Variants in CWF19L2 observed in about 807,000 individuals in gnomAD.
CWF19L2 encodes the protein CWF19 like cell cycle control factor 2, also known as CWF19-like protein 2.
CWF19L2 carries 98 observed loss-of-function variants against 111.7 expected under a neutral mutation model. The ratio of observed to expected loss-of-function variants is 0.88; its 90% confidence interval spans 0.75 to 1.04. CWF19L2 has a LOEUF of 1.04. CWF19L2 is among the 50% of genes least tolerant of loss of function. The probability of loss-of-function intolerance (pLI) is 0.00; values close to 1 mark genes in which losing one functional copy is unlikely to be tolerated. For synonymous variants in CWF19L2, 351 were observed against 342.9 expected (o/e 1.02, Z -0.26); for missense variants, 1,101 against 1,051.4 (o/e 1.05, Z -0.65).
At chr11:107,363,559 A>G (rs1470616999) in intron 12 of CWF19L2, among the ~76,000 whole-genome samples, 3 of 143,820 alleles carry the variant, frequency 2.1e-5, no homozygotes, top group Admixed American at 2.1e-4. Context: ...AGAATTTCAT[A>G]TCCAGCCAAA....
At chr11:107,372,789 C>T (rs1860531282) in intron 12 of CWF19L2, among the ~76,000 whole-genome samples, 1 of 132,238 alleles carries the variant, frequency 7.6e-6, no homozygotes, top group Admixed American at 7.4e-5. Flanking sequence ...CAAATAGGAA[C>T]TGCTCCGGTC....
In CWF19L2 at chr11:107,373,703, A is replaced by C. The variant is rs868083415; in HGVS notation, c.1872+16371T>G. ...AACAGAAAAACTGGAAACTCTAAAA[A>C]GCAGAGCGCCTCTCCTCCTCCAAAG... On this transcript the variant is annotated intron_variant, in intron 12 of 17. Transcript: ENST00000282251. Among the ~76,000 whole-genome samples, 305 of 131,868 alleles carry C rather than the reference A, an allele frequency of 2.3e-3. 12 individuals are homozygous for C. Among genetic ancestry groups the C allele is most frequent in the African/African-American group, 8.0e-3 (261 of 32,772 alleles). 86.5% of individuals were successfully genotyped at this position (131,868 alleles called of 152,430 possible). A position where few individuals can be genotyped will look rare whatever the true frequency, so the allele number is the denominator to read the frequency against.
chr11:107,429,331 C>T lies in CWF19L2; in HGVS notation c.901G>A (p.Glu301Lys), dbSNP rs374180859. The stretch of plus-strand genomic sequence containing the variant: ...TTTACTAAGTCTGATTCTCTACTTT[C>T]TTGACAATTTTGTGCTTTATCTGAA... ...TYSDKAQNCQ[E>K]SRESDLVKYG... Residue 301 changes from glutamate to lysine, a missense_variant, in exon 8 of 18, where the codon GAA (glutamate) becomes AAA (lysine). Physicochemically the swap from Glu to Lys is moderately conservative, Grantham distance 56 (BLOSUM62 1). Transcript: ENST00000282251. The T allele has an allele frequency of 6.2e-7, 1 of 1,608,712 alleles. No individual in the cohort carries two copies. The highest frequency in any genetic ancestry group is 8.5e-7 in the Non-Finnish European group (1 of 1,176,896).
chr11:107,434,064 A>G (rs954697672), intron 6 of CWF19L2, among the ~76,000 whole-genome samples: 1 of 151,762 alleles, frequency 6.6e-6, no homozygotes, highest in Non-Finnish European at 1.5e-5. Context: ...CCGCTACTAT[A>G]AAAAGATATA....
chr11:107,403,754 T>C, intron 10 of CWF19L2: 1 of 904,470 alleles, frequency 1.1e-6, no homozygotes, highest in East Asian at 2.4e-5. Context: ...GCCGGTCTGT[T>C]CCTCTGCCTG....
chr11:107,441,331 T>C (rs2135420515), intron 5 of CWF19L2, among the ~76,000 whole-genome samples, 172 bp downstream of exon 5: 1 of 152,312 alleles, frequency 6.6e-6, no homozygotes, highest in South Asian at 2.1e-4. Context: ...TCACTTCCTA[T>C]AGGAAATTTA....
At chr11:107,349,159 G>A in intron 13 of CWF19L2, 106 bp from the exon 14 acceptor site, 1 of 421,748 alleles carries the variant, frequency 2.4e-6, no homozygotes, top group Non-Finnish European at 4.2e-6. Context: ...GCCCCTAGTA[G>A]AAAAAAATGA....
Position 107,382,390 on chromosome 11 carries a change from G to A in CWF19L2, c.1872+7684C>T, listed in dbSNP as rs145406993. On this transcript the variant is annotated intron_variant, in intron 12 of 17. Transcript: ENST00000282251. ...GGCTTTTGCAACTCATTAGCTGTGG[G>A]GACTAGGAAAGTTACTTAGCCTTGC... Among the ~76,000 whole-genome samples, 26 of 152,254 alleles carry A rather than the reference G, an allele frequency of 1.7e-4. No individual in the cohort carries two copies. The East Asian group carries it at 5.0e-3, about 29-fold the overall frequency.
At chr11:107,364,247 A>C (rs1313892179) in intron 12 of CWF19L2, among the ~76,000 whole-genome samples, 9 of 142,142 alleles carry the variant, frequency 6.3e-5, no homozygotes, top group African/African-American at 1.6e-4. Flanking sequence ...CCCCACTGTC[A>C]ACATTAGACA....
At chr11:107,388,070 T>C (rs1860796046) in intron 12 of CWF19L2, among the ~76,000 whole-genome samples, 1 of 152,178 alleles carries the variant, frequency 6.6e-6, no homozygotes, top group Non-Finnish European at 1.5e-5. Flanking sequence ...CCCTCAGATA[T>C]TCACAAGGAC....
At chr11:107,423,091 C>T (rs779930132) in intron 8 of CWF19L2, among the ~76,000 whole-genome samples, 20 of 151,832 alleles carry the variant, frequency 1.3e-4, no homozygotes, top group Non-Finnish European at 8.8e-5. Flanking sequence ...TATATGCATC[C>T]GTGGGCTGAG....
chr11:107,429,286 C>G lies in CWF19L2; in HGVS notation c.946G>C (p.Asp316His). The stretch of plus-strand genomic sequence containing the variant: ...GCAGTATCTGTTGTAGCATATCTAT[C>G]CCTTGAACTGTTACCATATTTTACT... The part of the protein sequence containing the change: ...DLVKYGNSSR[D>H]RYATTDTAKN... Residue 316 changes from aspartate to histidine, a missense_variant, in exon 8 of 18, where the codon GAT (aspartate) becomes CAT (histidine). Transcript: ENST00000282251. The G allele has an allele frequency of 6.2e-7, 1 of 1,613,096 alleles. No homozygotes were observed. The highest frequency in any genetic ancestry group is 1.1e-5 in the South Asian group (1 of 91,024).
At chr11:107,371,428 C>G (rs1417182804) in intron 12 of CWF19L2, among the ~76,000 whole-genome samples, 3 of 137,700 alleles carry the variant, frequency 2.2e-5, no homozygotes, top group Non-Finnish European at 4.7e-5. Flanking sequence ...GGACTCAAGA[C>G]TATTCTCCCA....
intron 8 of CWF19L2, among the ~76,000 whole-genome samples, chr11:107,423,293 A>G (rs1482808393): frequency 1.3e-5 from 2 of 151,972 alleles, no homozygotes; most frequent in Non-Finnish European, 2.9e-5. Context: ...ATTCTTTCAC[A>G]TTCAATTTTC....
intron 10 of CWF19L2, chr11:107,403,325 G>A: frequency 1.9e-6 from 1 of 514,002 alleles, no homozygotes; most frequent in Non-Finnish European, 3.5e-6. Context: ...TACCCTAACA[G>A]GTATTTTTTT....
At chr11:107,449,516 T>G (rs1452790510) in intron 3 of CWF19L2, among the ~76,000 whole-genome samples, 1 of 152,120 alleles carries the variant, frequency 6.6e-6, no homozygotes, top group Non-Finnish European at 1.5e-5. Flanking sequence ...CATTAAAAAT[T>G]ATAAACAATG....
chr11:107,329,385 C>T (rs562810755), intron 17 of CWF19L2, among the ~76,000 whole-genome samples: 75 of 152,250 alleles, frequency 4.9e-4, no homozygotes, highest in African/African-American at 9.6e-4. Context: ...TCTTGGGCTA[C>T]GCCTTGCTTA....
intron 14 of CWF19L2, among the ~76,000 whole-genome samples, chr11:107,343,330 T>C (rs1057345758): frequency 1.3e-5 from 2 of 152,174 alleles, no homozygotes; most frequent in Admixed American, 6.5e-5. Flanking sequence ...TGCTATGTCT[T>C]CTCGGTGGAT....
chr11:107,355,049 G>GTAA (rs140253357), intron 12 of CWF19L2, among the ~76,000 whole-genome samples: 2,001 of 152,134 alleles, frequency 0.013, 31 homozygotes, highest in African/African-American at 0.044. Context: ...TCTACTAAGT[G>GTAA]TAATATAAGT....
Sources: allele counts gnomAD v4.1 joint callset (sites outside exome capture counted in the v4.1 genomes callset), GRCh38; gene constraint gnomAD v4.1.1; transcripts MANE v1.5; gene names NCBI Gene and HGNC (gene_info 2026-07-23, HGNC 2026-07-21).